TMCC1: variants seen among roughly 807,000 people sequenced by gnomAD.
The protein encoded by TMCC1 is transmembrane and coiled-coil domain family 1.
In TMCC1, 15 loss-of-function variants were observed where a neutral mutation model predicts 52.4. The observed-to-expected ratio is 0.29, with a 90% CI of 0.19 to 0.44. TMCC1 has a LOEUF of 0.44. Among genes scored for constraint, TMCC1 ranks in the 20% least tolerant of loss-of-function variants. The probability of loss-of-function intolerance (pLI) is 1.00; values close to 1 mark genes in which losing one functional copy is unlikely to be tolerated. For missense variants in TMCC1, 503 were observed against 806.0 expected, an observed-to-expected ratio of 0.62 and a Z score of 4.55; for synonymous variants, 279 against 301.9, an observed-to-expected ratio of 0.92 and a Z score of 0.79.
intron 2 of TMCC1, among the ~76,000 whole-genome samples, chr3:129,841,451 G>A (rs2059419867): frequency 6.6e-6 from 1 of 152,156 alleles, no homozygotes; most frequent in Non-Finnish European, 1.5e-5. Context: ...GCTGGGCATG[G>A]TGGCATACAC....
intron 2 of TMCC1, among the ~76,000 whole-genome samples, chr3:129,877,543 C>A (rs562756072): frequency 6.6e-6 from 1 of 152,186 alleles, no homozygotes; most frequent in South Asian, 2.1e-4. Flanking sequence ...TTTAACAATA[C>A]CCAGAGGTAT....
Position 129,828,204 on chromosome 3 carries a change from G to A in TMCC1, c.175C>T (p.Gln59Ter), listed in dbSNP as rs765701227. 6.2e-7 allele frequency: 1 copy of A among 1,614,148 alleles called. No individual in the cohort carries two copies. Among genetic ancestry groups the A allele is most frequent in the African/African-American group, 1.3e-5 (1 of 75,042 alleles). The change falls in exon 4 of 7, where the codon CAG becomes TAG. Residue 59 changes from glutamine (Q) to a stop codon, truncating the protein, a stop_gained. Coordinates refer to ENST00000393238, the MANE Select transcript of TMCC1 (RefSeq NM_001017395.5). LOFTEE classifies it high-confidence loss of function. This position sits in a 1 kb window ranked among gnomAD's most constrained non-coding sequence, Gnocchi z 4.1. ...GQGLKHLFQH[Q>*]RRRSSVSPHD... is the part of the protein sequence containing the mutation. ...GGAGACACTGATGACCTCCTGCGCT[G>A]GTGCTGGAAGAGATGCTTCAAGCCT... is the stretch of plus-strand genomic sequence containing the variant.
intron 3 of TMCC1, among the ~76,000 whole-genome samples, chr3:129,830,374 G>A (rs1401508552): frequency 6.6e-6 from 1 of 152,092 alleles, no homozygotes; most frequent in Admixed American, 6.5e-5. Flanking sequence ...ATAATACAAT[G>A]TTACTCTGAT....
intron 2 of TMCC1, among the ~76,000 whole-genome samples, chr3:129,861,167 G>A (rs1011145931): frequency 3.9e-5 from 6 of 152,070 alleles, no homozygotes; most frequent in Admixed American, 2.0e-4. Context: ...GTGGCCGGGC[G>A]CAGTGGCTCA....
intron 4 of TMCC1, among the ~76,000 whole-genome samples, chr3:129,749,860 G>T (rs910359344): frequency 6.8e-6 from 1 of 146,990 alleles, no homozygotes; most frequent in African/African-American, 2.4e-5. Context: ...TCCAATATTT[G>T]AATCTATGAT....
At chr3:129,889,873 G>C (rs184859701) in intron 1 of TMCC1, among the ~76,000 whole-genome samples, 1 of 147,562 alleles carries the variant, frequency 6.8e-6, no homozygotes, top group East Asian at 2.0e-4. Context: ...TGGTCAAGGA[G>C]ATAAAACTTG....
At chr3:129,658,349 C>G (rs1017615500) in intron 5 of TMCC1, among the ~76,000 whole-genome samples, 1 of 152,220 alleles carries the variant, frequency 6.6e-6, no homozygotes, top group South Asian at 2.1e-4. Flanking sequence ...CTTTCCTCAT[C>G]TTCTCACCTG....
At chr3:129,846,898 CAGG>C (rs1214410663) in intron 2 of TMCC1, 5 of 139,412 alleles carry the variant, frequency 3.6e-5, no homozygotes, top group Non-Finnish European at 7.6e-5. Context: ...AAAAAAAGGG[CAGG>C]AGGATTGCTT....
chr3:129,829,916 G>A (rs781079861), intron 3 of TMCC1, among the ~76,000 whole-genome samples: 2 of 152,130 alleles, frequency 1.3e-5, no homozygotes, highest in Non-Finnish European at 2.9e-5. Context: ...CTGTCATTGT[G>A]GCTCCACTGT....
chr3:129,883,661 A>G (rs1277322225), intron 1 of TMCC1, among the ~76,000 whole-genome samples: 1 of 152,212 alleles, frequency 6.6e-6, no homozygotes, highest in Non-Finnish European at 1.5e-5. Context: ...TTTTAATTAT[A>G]TGTATTTTAC....
chr3:129,869,904 C>G (rs1267889667), intron 2 of TMCC1, among the ~76,000 whole-genome samples: 1 of 152,198 alleles, frequency 6.6e-6, no homozygotes, highest in Admixed American at 6.5e-5. Context: ...CTGTCCTCAA[C>G]AGCAGAAGAG....
intron 4 of TMCC1, among the ~76,000 whole-genome samples, chr3:129,736,524 C>CTTTTTT (rs758923804): frequency 1.4e-5 from 2 of 139,368 alleles, no homozygotes; most frequent in Admixed American, 7.2e-5. Context: ...ATTTTCTTTT[C>CTTTTTT]TTTTTTTTTT....
chr3:129,657,513 A>T (rs1053422096), intron 5 of TMCC1, among the ~76,000 whole-genome samples: 1 of 152,230 alleles, frequency 6.6e-6, no homozygotes, highest in African/African-American at 2.4e-5. Context: ...TCCAGTTTTG[A>T]CTTTAAAATC....
rs772538425 is a variant in TMCC1 at position 129,884,082 on chromosome 3, TAA to T, written c.-434-3525_-434-3524del. ...ACAGTTTCGAAAACTAAAAACAAAT[TAA>T]AGTCTTCAGATGTCCAAATACTAAA... On this transcript the variant is annotated intron_variant, in intron 1 of 6. Transcript: ENST00000393238. Among the ~76,000 whole-genome samples the T allele has an allele frequency of 4.6e-5, 7 of 152,090 alleles. No individual in the cohort carries two copies. The East Asian group carries it at 1.4e-3, about 29-fold the overall frequency.
intron 4 of TMCC1, among the ~76,000 whole-genome samples, chr3:129,760,383 G>A (rs1484962317): frequency 5.3e-5 from 8 of 150,372 alleles, no homozygotes; most frequent in Non-Finnish European, 1.0e-4. Context: ...ACACAGCAGC[G>A]TGCTACCACG....
intron 4 of TMCC1, among the ~76,000 whole-genome samples, chr3:129,682,007 G>A (rs1024964026): frequency 3.2e-4 from 49 of 151,926 alleles, no homozygotes; most frequent in Non-Finnish European, 5.3e-4. Flanking sequence ...ACTTTTAGAG[G>A]TTCCATGCAC....
At chr3:129,808,184 A>AAT (rs1207906540) in intron 4 of TMCC1, among the ~76,000 whole-genome samples, 6 of 151,836 alleles carry the variant, frequency 4.0e-5, no homozygotes, top group Non-Finnish European at 1.5e-5. Flanking sequence ...CCTGTCTAAA[A>AAT]ATATATATAT....
intron 4 of TMCC1, among the ~76,000 whole-genome samples, chr3:129,682,417 T>A (rs889372186): frequency 6.6e-6 from 1 of 152,226 alleles, no homozygotes. Context: ...CAGTTGCATT[T>A]TGCAACTGTC....
At chr3:129,805,043 T>C (rs2057387188) in intron 4 of TMCC1, among the ~76,000 whole-genome samples, 1 of 152,220 alleles carries the variant, frequency 6.6e-6, no homozygotes, top group South Asian at 2.1e-4. Flanking sequence ...AAAGTAATAT[T>C]TAAATATAAG....
Sources: allele counts gnomAD v4.1 joint callset (sites outside exome capture counted in the v4.1 genomes callset), GRCh38; gene constraint gnomAD v4.1.1; non-coding constraint Gnocchi (gnomAD v3.1); transcripts MANE v1.5; gene names NCBI Gene and HGNC (gene_info 2026-07-23, HGNC 2026-07-21).